ADGRL3: variants seen among roughly 807,000 people sequenced by gnomAD.
ADGRL3 encodes the protein calcium-independent alpha-latrotoxin receptor 3.
Under a neutral mutation model 153.5 loss-of-function variants are expected in ADGRL3, and 62 were observed. The ratio of observed to expected loss-of-function variants is 0.40; its 90% CI spans 0.33 to 0.50. The LOEUF (loss-of-function observed/expected upper bound fraction) is 0.50, where lower values mean the gene tolerates loss of function less well. Ranked by LOEUF, ADGRL3 falls within the 20% of genes least tolerant of loss-of-function variation. ADGRL3 has a pLI of 0.47. For synonymous variants in ADGRL3, 710 were observed against 672.5 expected, an observed-to-expected ratio of 1.06 and a Z score of -0.86; for missense variants, 1,641 against 1,859.4, an observed-to-expected ratio of 0.88 and a Z score of 2.16.
intron 4 of ADGRL3, among the ~76,000 whole-genome samples, chr4:61,537,985 T>C (rs1579404270): frequency 6.6e-6 from 1 of 152,250 alleles, no homozygotes; most frequent in East Asian, 1.9e-4. Context: ...TTCATTTTGG[T>C]GAGGATTCAT....
At chr4:61,904,893 TG>T (rs1486769798) in intron 11 of ADGRL3, among the ~76,000 whole-genome samples, 1 of 152,186 alleles carries the variant, frequency 6.6e-6, no homozygotes, top group African/African-American at 2.4e-5. Flanking sequence ...TACATTTAAG[TG>T]AATCATAAAA....
At chr4:61,238,995 C>A (rs1465899230) in intron 1 of ADGRL3, among the ~76,000 whole-genome samples, 1 of 152,064 alleles carries the variant, frequency 6.6e-6, no homozygotes, top group East Asian at 1.9e-4. Context: ...CTCTTGTGGG[C>A]ATTATGTAAG....
At chr4:61,681,163 T>C (rs1247105722) in intron 6 of ADGRL3, among the ~76,000 whole-genome samples, 1 of 152,086 alleles carries the variant, frequency 6.6e-6, no homozygotes, top group Non-Finnish European at 1.5e-5. Context: ...TGAAATTGTG[T>C]CATCTAGAGC....
At position 61,373,215 on chromosome 4, in the gene ADGRL3, C is replaced by T. The variant is rs540469540; in HGVS notation, c.-239-9909C>T. ...GTCGCTCAGGCTGGGAGCTGTAGACCGGAGCTGTTCCTATTCGGCCATCTT... is the reference window on the plus strand; with the variant it reads ...GTCGCTCAGGCTGGGAGCTGTAGACTGGAGCTGTTCCTATTCGGCCATCTT... On this transcript the variant is annotated intron_variant, in intron 1 of 26. Transcript: ENST00000683033. 1.3e-4 allele frequency among the ~76,000 whole-genome samples: 20 copies of T among 152,256 alleles called. No individual in the cohort carries two copies. The East Asian group carries it at 2.1e-3, about 16-fold the overall frequency.
At position 61,354,589 on chromosome 4, in the gene ADGRL3, T is replaced by C. The variant is rs150880529; in HGVS notation, c.-239-28535T>C. Among the ~76,000 whole-genome samples the C allele has an allele frequency of 3.7e-3, 555 of 151,498 alleles. 8 individuals carry two copies. Among genetic ancestry groups the C allele is most frequent in the African/African-American group, 0.013 (530 of 41,110 alleles). ...AAGACTTTGTCTGTGTGTGTGTGTG[T>C]GTGTGTGTGTGCGCTTTAGTGACCC... is the stretch of plus-strand genomic sequence containing the variant. On this transcript the variant is annotated intron_variant, in intron 1 of 26. Coordinates refer to ENST00000683033, the MANE Select transcript of ADGRL3 (RefSeq NM_001387552.1).
Position 61,947,176 on chromosome 4 carries a change from A to C in ADGRL3, c.2628+54A>C. 2.3e-6 allele frequency: 3 copies of C among 1,332,438 alleles called. No individual in the cohort carries two copies. The Admixed American group carries it at 5.4e-5, about 24-fold the overall frequency. The allele number at this position is 1,332,438 out of a possible 1,614,324, so 82.5% of individuals were successfully genotyped here. On this transcript the variant is annotated intron_variant, in intron 16 of 26. Transcript: ENST00000683033. ...TTCATATTATCTGTATTTTTATAAC[A>C]CTGAACATTAAGTGTATTAATTTTC...
intron 5 of ADGRL3, among the ~76,000 whole-genome samples, chr4:61,643,807 A>G (rs1435299932): frequency 6.8e-6 from 1 of 146,052 alleles, no homozygotes; most frequent in Non-Finnish European, 1.5e-5. Context: ...GCCTCATAAA[A>G]TGAGTTAGGG....
chr4:62,001,517 A>G (rs1232562337), intron 21 of ADGRL3, among the ~76,000 whole-genome samples: 2 of 152,218 alleles, frequency 1.3e-5, no homozygotes, highest in Non-Finnish European at 2.9e-5. Flanking sequence ...CCAGAATCTG[A>G]AGAAAATTTC....
intron 2 of ADGRL3, among the ~76,000 whole-genome samples, chr4:61,478,461 C>A (rs2098091566): frequency 6.6e-6 from 1 of 151,962 alleles, no homozygotes; most frequent in Admixed American, 6.6e-5. Flanking sequence ...TTAATGATCT[C>A]TAAAATGTAT....
intron 8 of ADGRL3, among the ~76,000 whole-genome samples, chr4:61,746,383 C>T (rs1018528510): frequency 4.6e-5 from 7 of 152,162 alleles, no homozygotes; most frequent in Admixed American, 4.6e-4. Context: ...GAACTCTCCA[C>T]CCCAAATCAA....
At chr4:61,889,374 GA>G (rs2098556990) in intron 9 of ADGRL3, among the ~76,000 whole-genome samples, 1 of 152,168 alleles carries the variant, frequency 6.6e-6, no homozygotes, top group African/African-American at 2.4e-5. Flanking sequence ...ATGGTTTAAA[GA>G]ATATACTTAA....
intron 4 of ADGRL3, among the ~76,000 whole-genome samples, chr4:61,562,078 G>A (rs1359389043): frequency 6.6e-6 from 1 of 151,850 alleles, no homozygotes; most frequent in Non-Finnish European, 1.5e-5. Context: ...CAAGAATAAA[G>A]CAAGTTTCAT....
intron 8 of ADGRL3, among the ~76,000 whole-genome samples, chr4:61,746,508 T>C (rs1288008181): frequency 6.6e-6 from 1 of 152,114 alleles, no homozygotes; most frequent in Non-Finnish European, 1.5e-5. Flanking sequence ...ACAAACTCTC[T>C]CTGAGACCAC....
At chr4:62,010,335 A>C (rs1020441502) in intron 21 of ADGRL3, among the ~76,000 whole-genome samples, 15 of 152,070 alleles carry the variant, frequency 9.9e-5, no homozygotes, top group Non-Finnish European at 1.8e-4. Flanking sequence ...ACACCTAGTC[A>C]TCTCATTCGT....
intron 4 of ADGRL3, among the ~76,000 whole-genome samples, chr4:61,574,159 C>T (rs1450968310): frequency 6.6e-6 from 1 of 151,922 alleles, no homozygotes; most frequent in Non-Finnish European, 1.5e-5. Flanking sequence ...AAGAGTGCAA[C>T]TCCATCAGAC....
rs559010226 is a variant in ADGRL3 at position 61,336,257 on chromosome 4, C to T, written c.-239-46867C>T. On this transcript the variant is annotated intron_variant, in intron 1 of 26. Coordinates refer to ENST00000683033, the MANE Select transcript of ADGRL3 (RefSeq NM_001387552.1). The stretch of plus-strand genomic sequence containing the variant: ...TCCAAACAATTAGTTTCCCCTGAAG[C>T]CTCTTGAAAAATTATCCTTTTGTGG... Among the ~76,000 whole-genome samples the T allele has an allele frequency of 2.6e-5, 4 of 152,220 alleles. No homozygotes were observed. The East Asian group carries it at 7.7e-4, about 29-fold the overall frequency.
intron 11 of ADGRL3, among the ~76,000 whole-genome samples, chr4:61,900,617 A>G (rs1159445411): frequency 6.6e-6 from 1 of 152,154 alleles, no homozygotes; most frequent in Non-Finnish European, 1.5e-5. Flanking sequence ...TACTCCAGCA[A>G]TGAGATAGAG....
intron 21 of ADGRL3, among the ~76,000 whole-genome samples, chr4:62,007,383 T>TATACAC (rs71213024): frequency 0.32 from 9,647 of 30,526 alleles, 1,256 homozygotes; most frequent in South Asian, 0.53. Context: ...TATATATATA[T>TATACAC]ACACACACAC....
chr4:61,922,765 T>C (rs1177488649), intron 13 of ADGRL3, among the ~76,000 whole-genome samples: 1 of 152,202 alleles, frequency 6.6e-6, no homozygotes, highest in Non-Finnish European at 1.5e-5. Flanking sequence ...GTGCAGGGAT[T>C]CACGGGTGAA....
Sources: gnomAD v4.1 joint callset for allele counts (sites outside exome capture counted in the v4.1 genomes callset) on GRCh38, gnomAD v4.1.1 for gene constraint, MANE v1.5 for transcripts, NCBI Gene and HGNC (gene_info 2026-07-23, HGNC 2026-07-21) for gene names.